Variants in MAP2 observed in about 807,000 individuals in gnomAD.
The protein encoded by MAP2 is microtubule associated protein 2.
Under a neutral mutation model 137.6 loss-of-function variants are expected in MAP2, and 14 were observed. The ratio of observed to expected loss-of-function variants is 0.10; its 90% CI spans 0.07 to 0.16. MAP2 has a LOEUF of 0.16. Among genes scored for constraint, MAP2 ranks in the 10% least tolerant of loss-of-function variants. The pLI, the probability that MAP2 is intolerant of heterozygous loss-of-function variation, is 1.00. For missense variants in MAP2, 2,088 were observed against 2,191.5 expected, an observed-to-expected ratio of 0.95 and a Z score of 0.94; for synonymous variants, 786 against 782.3, an observed-to-expected ratio of 1.00 and a Z score of -0.08.
intron 5 of MAP2, among the ~76,000 whole-genome samples, chr2:209,660,443 G>T (rs1257924046): frequency 7.3e-6 from 1 of 137,898 alleles, no homozygotes; most frequent in Non-Finnish European, 1.5e-5. Context: ...GCCCAGGCTG[G>T]AGTGCAGTGG....
rs1227431659 is a variant in MAP2 at position 209,562,694 on chromosome 2, C to CA, written c.-171-17332dup. Among the ~76,000 whole-genome samples the CA allele has an allele frequency of 1.6e-3, 221 of 141,484 alleles. 2 individuals carry two copies. Among genetic ancestry groups the CA allele is most frequent in the African/African-American group, 4.5e-3 (172 of 38,546 alleles). The allele number at this position is 141,484 out of a possible 152,430, so 92.8% of individuals were successfully genotyped here. A position where few individuals can be genotyped will look rare whatever the true frequency, so the allele number is the denominator to read the frequency against. On this transcript the variant is annotated intron_variant, in intron 2 of 15. Transcript: ENST00000682079. ...CCTGGATGACAGGGTGAGACTCTGT[C>CA]AAAAAAAAAACAAAAAGCGAATGCA...
intron 4 of MAP2, among the ~76,000 whole-genome samples, chr2:209,637,698 G>T (rs2093679885): frequency 2.6e-5 from 4 of 151,824 alleles, no homozygotes; most frequent in Admixed American, 2.6e-4. Context: ...ATATAAAATT[G>T]CTATCCTTTG....
In MAP2 at chr2:209,693,054, A is replaced by C. The variant is rs1470536680; in HGVS notation, c.884A>C (p.Lys295Thr). Reference sequence around the variant, plus strand: ...GGCCCTCTGACTCCCATGAGGGAAAAAGATGTATTTGATGATATCCCAAAA... The same window carrying C: ...GGCCCTCTGACTCCCATGAGGGAAACAGATGTATTTGATGATATCCCAAAA... ...SPGPLTPMRE[K>T]DVFDDIPKWE... is the part of the protein sequence containing the mutation. Residue 295 changes from lysine (K) to threonine (T), a missense_variant, in exon 8 of 16, where the codon AAA (lysine) becomes ACA (threonine). Physicochemically the swap from Lys to Thr is moderately conservative, Grantham distance 78 (BLOSUM62 -1). Coordinates refer to ENST00000682079, the MANE Select transcript of MAP2 (RefSeq NM_001375505.1). 2 of 1,612,896 alleles carry C rather than the reference A, an allele frequency of 1.2e-6. No homozygotes were observed. Among genetic ancestry groups the C allele is most frequent in the Admixed American group, 3.3e-5 (2 of 59,810 alleles).
intron 2 of MAP2, among the ~76,000 whole-genome samples, chr2:209,510,071 G>C (rs1406859326): frequency 6.6e-6 from 1 of 150,902 alleles, no homozygotes; most frequent in Non-Finnish European, 1.5e-5. Context: ...AAACAAGGAA[G>C]GTAAATTTGG....
chr2:209,638,594 G>A (rs780616838), intron 4 of MAP2, among the ~76,000 whole-genome samples: 5 of 151,996 alleles, frequency 3.3e-5, no homozygotes, highest in African/African-American at 7.2e-5. Context: ...TAACTAGATC[G>A]TTGATGCTCC....
At chr2:209,441,697 G>A (rs1202883795) in intron 1 of MAP2, among the ~76,000 whole-genome samples, 1 of 151,566 alleles carries the variant, frequency 6.6e-6, no homozygotes, top group African/African-American at 2.4e-5. Context: ...GTGAAAGGCT[G>A]GGAGGGAAGT....
At chr2:209,646,181 G>GT (rs1423817994) in intron 4 of MAP2, among the ~76,000 whole-genome samples, 1 of 152,054 alleles carries the variant, frequency 6.6e-6, no homozygotes, top group African/African-American at 2.4e-5. Flanking sequence ...GGGCAACAGA[G>GT]TAAGACCCTG....
intron 2 of MAP2, among the ~76,000 whole-genome samples, chr2:209,509,341 T>G (rs1334691004): frequency 6.6e-6 from 1 of 151,996 alleles, no homozygotes; most frequent in African/African-American, 2.4e-5. Flanking sequence ...AAATCGAGTG[T>G]GTTTGGTCAA....
chr2:209,458,045 C>T (rs903751996), intron 1 of MAP2, among the ~76,000 whole-genome samples: 1 of 152,016 alleles, frequency 6.6e-6, no homozygotes, highest in Non-Finnish European at 1.5e-5. Context: ...TTAGTGTGTC[C>T]TGAGCATTGG....
chr2:209,628,220 C>T (rs1393865372), intron 4 of MAP2, among the ~76,000 whole-genome samples: 6 of 152,110 alleles, frequency 3.9e-5, no homozygotes, highest in Admixed American at 3.9e-4. Context: ...AAAAAATTAG[C>T]CGGGCATGGT....
chr2:209,650,021 G>A (rs2094678152), intron 4 of MAP2, among the ~76,000 whole-genome samples: 1 of 152,172 alleles, frequency 6.6e-6, no homozygotes, highest in South Asian at 2.1e-4. Flanking sequence ...TGATTACCAA[G>A]TAGCACTCTC....
intron 13 of MAP2, among the ~76,000 whole-genome samples, chr2:209,717,317 C>T (rs958167282): frequency 6.6e-6 from 1 of 152,104 alleles, no homozygotes; most frequent in Non-Finnish European, 1.5e-5. Flanking sequence ...AGCAGTTCCA[C>T]ACACTTTTAA....
At chr2:209,434,723 G>A (rs1695229578) in intron 1 of MAP2, among the ~76,000 whole-genome samples, 2 of 150,576 alleles carry the variant, frequency 1.3e-5, no homozygotes, top group East Asian at 3.9e-4. Flanking sequence ...TCAGGAGACT[G>A]AAGTGAAAGG....
At chr2:209,449,344 A>G (rs186339390) in intron 1 of MAP2, among the ~76,000 whole-genome samples, 1 of 152,196 alleles carries the variant, frequency 6.6e-6, no homozygotes. Flanking sequence ...CACGCTCCTT[A>G]TTCCAGAACT....
chr2:209,591,207 C>T (rs530527194), intron 3 of MAP2, among the ~76,000 whole-genome samples: 110 of 152,294 alleles, frequency 7.2e-4, no homozygotes, highest in Middle Eastern at 3.4e-3. Context: ...AAAGCCAAGG[C>T]TTTTCCCCTA....
intron 4 of MAP2, among the ~76,000 whole-genome samples, chr2:209,648,621 CAAAAAA>C (rs1228232293): frequency 7.8e-5 from 4 of 51,056 alleles, no homozygotes; most frequent in Non-Finnish European, 1.7e-4. Context: ...ACTAAAAATA[CAAAAAA>C]AAAAAAAAAA....
chr2:209,714,756 C>A (rs1292970722), intron 13 of MAP2, among the ~76,000 whole-genome samples: 4 of 152,140 alleles, frequency 2.6e-5, no homozygotes, highest in African/African-American at 9.7e-5. Flanking sequence ...GAGTAAGAAA[C>A]AGAAGTTCTC....
At chr2:209,701,068 A>T (rs191180693) in intron 11 of MAP2, among the ~76,000 whole-genome samples, 81 of 152,182 alleles carry the variant, frequency 5.3e-4, no homozygotes, top group Admixed American at 1.4e-3. Context: ...TTCAGTTTGT[A>T]TGCTATTTCC....
At chr2:209,464,458 C>T (rs1703638793) in intron 1 of MAP2, among the ~76,000 whole-genome samples, 1 of 151,858 alleles carries the variant, frequency 6.6e-6, no homozygotes, top group South Asian at 2.1e-4. Context: ...GCAGTCAGGC[C>T]CATTTTTGTA....
Sources: gnomAD v4.1 joint callset for allele counts (sites outside exome capture counted in the v4.1 genomes callset) on GRCh38, gnomAD v4.1.1 for gene constraint, MANE v1.5 for transcripts, NCBI Gene and HGNC (gene_info 2026-07-23, HGNC 2026-07-21) for gene names.